BTC: variants seen among roughly 807,000 people sequenced by gnomAD.
BTC encodes betacellulin.
In BTC, 13 loss-of-function variants were observed where a neutral mutation model predicts 18.1. That is an observed-to-expected ratio of 0.72 (90% CI 0.47 to 1.14). BTC has a LOEUF of 1.14. Among genes scored for constraint, BTC ranks in the 50% most tolerant of loss-of-function variants. The probability of loss-of-function intolerance (pLI) is 0.00; values close to 1 mark genes in which losing one functional copy is unlikely to be tolerated. For missense variants in BTC, 247 were observed against 224.2 expected, an observed-to-expected ratio of 1.10 and a Z score of -0.65; for synonymous variants, 83 against 79.4, an observed-to-expected ratio of 1.05 and a Z score of -0.24.
chr4:74,786,161 G>C (rs1305665081), intron 1 of BTC, among the ~76,000 whole-genome samples: 2 of 152,222 alleles, frequency 1.3e-5, no homozygotes, highest in Non-Finnish European at 2.9e-5. Flanking sequence ...CAGAAACTCA[G>C]ATGGCATTTC....
At chr4:74,763,983 T>C (rs1560714858) in intron 2 of BTC, among the ~76,000 whole-genome samples, 1 of 136,022 alleles carries the variant, frequency 7.4e-6, no homozygotes, top group Non-Finnish European at 1.5e-5. Flanking sequence ...TATGTATAAT[T>C]ATTGTGTTAA....
intron 2 of BTC, 62 bp downstream of exon 2, chr4:74,769,996 G>T: frequency 1.5e-6 from 2 of 1,336,650 alleles, no homozygotes; most frequent in African/African-American, 1.5e-5. Flanking sequence ...CTAGTATTAT[G>T]AGTACTATTA....
chr4:74,757,685 T>G (rs568955594), intron 2 of BTC, among the ~76,000 whole-genome samples: 1 of 152,266 alleles, frequency 6.6e-6, no homozygotes, highest in Admixed American at 6.5e-5. Flanking sequence ...AATAAACAAT[T>G]AACCGGTAAA....
At chr4:74,786,634 A>G (rs1725484696) in intron 1 of BTC, among the ~76,000 whole-genome samples, 1 of 152,208 alleles carries the variant, frequency 6.6e-6, no homozygotes, top group African/African-American at 2.4e-5. Context: ...CAAGAGAGAA[A>G]ATCATCTGAC....
In BTC at chr4:74,770,081, C is replaced by A; in HGVS notation, c.140G>T (p.Gly47Val). 2 of 1,612,992 alleles carry A rather than the reference C, an allele frequency of 1.2e-6. No homozygotes were observed. Among genetic ancestry groups the A allele is most frequent in the Non-Finnish European group, 1.7e-6 (2 of 1,179,378 alleles). ...ACCTGCACAGTTTTCCTCAGGGTCT[C>A]CACAGAGGAGGCCATTAGTTTCAGG... ...RSPETNGLLCGDPEENCAATT... is the reference protein window; with the variant it reads ...RSPETNGLLCVDPEENCAATT... Residue 47 changes from glycine to valine, a missense_variant, in exon 2 of 6, where the codon GGA (glycine) becomes GTA (valine). Transcript: ENST00000395743.
intron 2 of BTC, 84 bp from the exon 3 acceptor site, chr4:74,756,060 G>A (rs1724589652): frequency 8.2e-7 from 1 of 1,212,424 alleles, no homozygotes. Context: ...CTTGCTGCCA[G>A]TTTCTCTGTA....
intron 1 of BTC, among the ~76,000 whole-genome samples, chr4:74,775,793 C>A (rs971525243): frequency 1.3e-5 from 2 of 152,156 alleles, no homozygotes; most frequent in African/African-American, 4.8e-5. Flanking sequence ...GCTCTCTTTT[C>A]CTTGACAGAT....
intron 1 of BTC, among the ~76,000 whole-genome samples, chr4:74,770,915 ATGTGTGTGTG>A (rs61202126): frequency 4.2e-5 from 6 of 141,982 alleles, no homozygotes; most frequent in African/African-American, 7.5e-5. Flanking sequence ...TATATCGTGT[ATGTGTGTGTG>A]TGTGTGTGTG....
chr4:74,749,238 T>C (rs1055289044), intron 4 of BTC, among the ~76,000 whole-genome samples: 1 of 151,992 alleles, frequency 6.6e-6, no homozygotes, highest in Non-Finnish European at 1.5e-5. Flanking sequence ...ACCAGCCTGG[T>C]GTACATGGTG....
rs1553955498 is a variant in BTC, at chr4:74,746,489, G to C, written c.*188C>G. 6.6e-6 allele frequency: 1 copy of C among 152,318 alleles called. No homozygotes were observed. The highest frequency in any genetic ancestry group is 6.6e-5 in the Admixed American group (1 of 15,248). 9.4% of individuals were successfully genotyped at this position (152,318 alleles called of 1,614,324 possible). On this transcript the variant is annotated 3_prime_UTR_variant, in exon 6 of 6. Transcript: ENST00000395743. ...CCAGTTGCTTTTTTCCCAATTACTAGACAATATACATATAATTAATGTTCT... is the reference window on the plus strand; with the variant it reads ...CCAGTTGCTTTTTTCCCAATTACTACACAATATACATATAATTAATGTTCT...
At chr4:74,751,291 C>G (rs1459864789) in intron 3 of BTC, among the ~76,000 whole-genome samples, 1 of 152,080 alleles carries the variant, frequency 6.6e-6, no homozygotes, top group Non-Finnish European at 1.5e-5. Flanking sequence ...GTAAATTCTA[C>G]CCGTTGATTC....
At chr4:74,768,915 T>G (rs1724968829) in intron 2 of BTC, among the ~76,000 whole-genome samples, 1 of 152,130 alleles carries the variant, frequency 6.6e-6, no homozygotes, top group Non-Finnish European at 1.5e-5. Context: ...ACACATAAAG[T>G]TGGCCTTGTT....
chr4:74,780,678 T>TA (rs1725294106), intron 1 of BTC, among the ~76,000 whole-genome samples: 1 of 152,162 alleles, frequency 6.6e-6, no homozygotes, highest in Non-Finnish European at 1.5e-5. Context: ...TAATAGATGG[T>TA]AAAATATGAA....
chr4:74,766,225 A>T (rs575103805), intron 2 of BTC, among the ~76,000 whole-genome samples: 1 of 152,186 alleles, frequency 6.6e-6, no homozygotes, highest in Admixed American at 6.6e-5. Context: ...ACCACCGCAG[A>T]CTTTATAAAT....
intron 1 of BTC, among the ~76,000 whole-genome samples, chr4:74,792,008 A>ACACACACACAC (rs1560728322): frequency 1.6e-3 from 168 of 105,362 alleles, no homozygotes; most frequent in Non-Finnish European, 2.9e-3. Context: ...CACACACACA[A>ACACACACACAC]ACACTAGTGT....
In BTC at chr4:74,785,138, C is replaced by T. The variant is rs532093108; in HGVS notation, c.64+9124G>A. ...GGTCTGTTCAGGGATTCAATTTCTT[C>T]CTGAGTTAGTCTTGAGAAGGTGTAT... On this transcript the variant is annotated intron_variant, in intron 1 of 5. Transcript: ENST00000395743. 3.3e-5 allele frequency among the ~76,000 whole-genome samples: 5 copies of T among 152,188 alleles called. No individual in the cohort carries two copies. In the East Asian group the frequency reaches 5.8e-4, roughly 18 times the overall value.
At chr4:74,755,578 C>G (rs1201359807) in intron 3 of BTC, among the ~76,000 whole-genome samples, 1 of 152,198 alleles carries the variant, frequency 6.6e-6, no homozygotes, top group East Asian at 1.9e-4. Context: ...ATTATTTGAG[C>G]CAAAAAGAAT....
intron 1 of BTC, among the ~76,000 whole-genome samples, chr4:74,772,947 A>G (rs561508958): frequency 6.6e-6 from 1 of 152,304 alleles, no homozygotes; most frequent in African/African-American, 2.4e-5. Context: ...TCCTTCCGCT[A>G]AGCTTTGTTT....
At chr4:74,746,901 C>T (rs1724306934) in intron 5 of BTC, among the ~76,000 whole-genome samples, 1 of 152,216 alleles carries the variant, frequency 6.6e-6, no homozygotes, top group South Asian at 2.1e-4. Flanking sequence ...TGGAAAGACA[C>T]TACTCTCTCA....
Sources: gnomAD v4.1 joint callset for allele counts (sites outside exome capture counted in the v4.1 genomes callset) on GRCh38, gnomAD v4.1.1 for gene constraint, MANE v1.5 for transcripts, NCBI Gene and HGNC (gene_info 2026-07-23, HGNC 2026-07-21) for gene names.